UST: variants seen among roughly 807,000 people sequenced by gnomAD.
UST encodes chondroitin sulfate 2-O-sulfotransferase.
Under a neutral mutation model 45.6 loss-of-function variants are expected in UST, and 21 were observed. The observed-to-expected ratio is 0.46, with a 90% CI of 0.33 to 0.66. UST has a LOEUF of 0.66. Ranked by LOEUF, UST falls within the 30% of genes least tolerant of loss-of-function variation. UST has a pLI of 0.02. For synonymous variants in UST, 215 were observed against 200.6 expected (o/e 1.07, Z -0.61); for missense variants, 463 against 512.4 (o/e 0.90, Z 0.93).
At chr6:148,944,097 T>C (rs1341627011) in intron 3 of UST, among the ~76,000 whole-genome samples, 1 of 152,180 alleles carries the variant, frequency 6.6e-6, no homozygotes, top group Admixed American at 6.6e-5. Context: ...AAATAATTTG[T>C]GGTATGAATA....
chr6:148,850,869 G>A (rs79046425), intron 1 of UST, among the ~76,000 whole-genome samples: 4,445 of 152,252 alleles, frequency 0.029, 217 homozygotes, highest in African/African-American at 0.1. Context: ...TAGAAGCCAG[G>A]GAAGATTTTC....
chr6:148,856,177 C>T (rs1336205354), intron 1 of UST, among the ~76,000 whole-genome samples: 2 of 152,034 alleles, frequency 1.3e-5, no homozygotes, highest in African/African-American at 2.4e-5. Context: ...TCACCATACC[C>T]GGCTAATTTT....
At chr6:148,956,350 T>G (rs1049542040) in intron 4 of UST, among the ~76,000 whole-genome samples, 6 of 148,106 alleles carry the variant, frequency 4.1e-5, no homozygotes, top group South Asian at 2.2e-4. Flanking sequence ...ATGGCAGGAG[T>G]CGAAAGGCAC....
intron 1 of UST, among the ~76,000 whole-genome samples, chr6:148,829,622 A>G (rs1582838125): frequency 6.6e-6 from 1 of 151,908 alleles, no homozygotes; most frequent in East Asian, 1.9e-4. Context: ...CCCTGTGATC[A>G]CTGTGTTCTC....
chr6:148,992,297 G>T (rs1338102329), intron 5 of UST, among the ~76,000 whole-genome samples: 2 of 152,146 alleles, frequency 1.3e-5, no homozygotes, highest in African/African-American at 4.8e-5. Context: ...GAGGTCAGGA[G>T]ATCGAGACCA....
chr6:148,904,309 C>T (rs556861017), intron 2 of UST, among the ~76,000 whole-genome samples: 26 of 152,100 alleles, frequency 1.7e-4, no homozygotes, highest in African/African-American at 5.8e-4. Flanking sequence ...TAAATCAGTT[C>T]CTATAAAAGT....
intron 1 of UST, among the ~76,000 whole-genome samples, chr6:148,782,402 A>C (rs983716912): frequency 2.0e-5 from 3 of 151,990 alleles, no homozygotes; most frequent in Admixed American, 6.5e-5. Flanking sequence ...AATGGGACTA[A>C]ATTGCTGCTA....
In UST at chr6:149,033,030, C is replaced by T. The variant is rs113113588; in HGVS notation, c.937+11549C>T. Among the ~76,000 whole-genome samples, 54 of 152,246 alleles carry T rather than the reference C, an allele frequency of 3.5e-4. No homozygotes were observed. The East Asian group carries it at 6.4e-3, about 18-fold the overall frequency. ...TTCAATTTTTGGACTTTCCTGATAA[C>T]GCCACAAAGCTGAAAGGCTTCTAAA... On this transcript the variant is annotated intron_variant, in intron 7 of 7. Coordinates refer to ENST00000367463, the MANE Select transcript of UST (RefSeq NM_005715.3).
chr6:148,991,376 T>C (rs1358815095), intron 5 of UST, among the ~76,000 whole-genome samples: 1 of 152,118 alleles, frequency 6.6e-6, no homozygotes, highest in Non-Finnish European at 1.5e-5. Flanking sequence ...TTTTTATTAT[T>C]ATACTTTAAG....
chr6:149,068,879 C>A (rs1170399508), intron 7 of UST, among the ~76,000 whole-genome samples: 2 of 152,206 alleles, frequency 1.3e-5, no homozygotes, highest in African/African-American at 2.4e-5. Context: ...TAACCAACCT[C>A]TCTTCAGCCC....
intron 5 of UST, among the ~76,000 whole-genome samples, chr6:148,981,086 C>T (rs930671061): frequency 4.6e-5 from 7 of 152,272 alleles, no homozygotes; most frequent in African/African-American, 1.7e-4. Flanking sequence ...TTCTCATCTG[C>T]AGTCTCTCAT....
intron 1 of UST, among the ~76,000 whole-genome samples, chr6:148,803,473 T>TA (rs569245663): frequency 1.5e-3 from 230 of 152,334 alleles, no homozygotes; most frequent in African/African-American, 5.1e-3. Flanking sequence ...TCTTAAGTGT[T>TA]ATTACTTCTG....
chr6:149,042,958 T>C (rs554927756), intron 7 of UST, among the ~76,000 whole-genome samples: 2 of 35,724 alleles, frequency 5.6e-5, no homozygotes. Context: ...ACCATCCTTT[T>C]CTTTCTTTCT....
chr6:148,953,808 CT>C, intron 3 of UST, 63 bp from the exon 4 acceptor site: 1 of 978,616 alleles, frequency 1.0e-6, no homozygotes, highest in Non-Finnish European at 1.5e-6. Flanking sequence ...GATACATAAC[CT>C]TTAACTTAAT....
At chr6:148,964,632 T>C (rs3734378) in intron 5 of UST, 69 bp downstream of exon 5, 614,659 of 1,579,890 alleles carry the variant, frequency 0.39, 124,701 homozygotes, top group African/African-American at 0.69. Flanking sequence ...CCAGGGAAGG[T>C]TCACTCTTCC....
chr6:148,835,539 G>T (rs924454654), intron 1 of UST, among the ~76,000 whole-genome samples: 1 of 152,118 alleles, frequency 6.6e-6, no homozygotes, highest in African/African-American at 2.4e-5. Flanking sequence ...GCTTGTTAAG[G>T]TTTAATGACT....
At chr6:148,887,835 C>G (rs1390737233) in intron 2 of UST, among the ~76,000 whole-genome samples, 1 of 152,114 alleles carries the variant, frequency 6.6e-6, no homozygotes, top group African/African-American at 2.4e-5. Flanking sequence ...CAAGAATGTT[C>G]TTTCTGGCCT....
rs189958133 is a variant in UST, at chr6:148,932,771, G to A, written c.292-8508G>A. ...TCTGGTACAGCATGCAGGCTATTGT[G>A]TTCTGGGAATAGCATAGTGATGATG... On this transcript the variant is annotated intron_variant, in intron 2 of 7. Coordinates refer to ENST00000367463, the MANE Select transcript of UST (RefSeq NM_005715.3). 1.9e-3 allele frequency among the ~76,000 whole-genome samples: 295 copies of A among 152,324 alleles called. 3 individuals are homozygous for A. Among genetic ancestry groups the A allele is most frequent in the African/African-American group, 6.7e-3 (280 of 41,574 alleles).
intron 7 of UST, among the ~76,000 whole-genome samples, chr6:149,024,934 G>C (rs550845426): frequency 6.6e-6 from 1 of 151,212 alleles, no homozygotes; most frequent in East Asian, 1.9e-4. Context: ...TGTTTGTCCT[G>C]TTATTGAAAA....
Sources: allele counts gnomAD v4.1 joint callset (sites outside exome capture counted in the v4.1 genomes callset), GRCh38; gene constraint gnomAD v4.1.1; transcripts MANE v1.5; gene names NCBI Gene and HGNC (gene_info 2026-07-23, HGNC 2026-07-21).